PDPN: variants seen among roughly 807,000 people sequenced by gnomAD.
PDPN encodes PA2.26 antigen.
PDPN carries 12 observed loss-of-function variants against 23.2 expected under a neutral mutation model. That is an observed-to-expected ratio of 0.52 (90% confidence interval 0.33 to 0.84). PDPN has a LOEUF of 0.84. Ranked by LOEUF, PDPN falls within the 40% of genes least tolerant of loss-of-function variation. PDPN has a pLI of 0.02. For synonymous variants in PDPN, 77 were observed against 76.7 expected, an observed-to-expected ratio of 1.00 and a Z score of -0.02; for missense variants, 199 against 212.2, an observed-to-expected ratio of 0.94 and a Z score of 0.39.
chr1:13,585,547 C>G (rs1308293658), intron 1 of PDPN: 2 of 1,351,780 alleles, frequency 1.5e-6, no homozygotes, highest in Non-Finnish European at 2.0e-6. Context: ...CATCTCAGCC[C>G]TGCTAAAGAA....
intron 3 of PDPN, among the ~76,000 whole-genome samples, chr1:13,611,426 C>T (rs1396098380): frequency 6.6e-6 from 1 of 151,836 alleles, no homozygotes; most frequent in African/African-American, 2.4e-5. Flanking sequence ...ACACATAATA[C>T]AACATGGAGG....
Position 13,599,962 on chromosome 1 carries a change from A to G in PDPN, c.68-7211A>G, listed in dbSNP as rs576669160. Among the ~76,000 whole-genome samples the G allele has an allele frequency of 6.6e-5, 10 of 152,308 alleles. No individual in the cohort carries two copies. The South Asian group carries it at 2.1e-3, about 32-fold the overall frequency. On this transcript the variant is annotated intron_variant, in intron 1 of 5. Coordinates refer to ENST00000621990, the MANE Select transcript of PDPN (RefSeq NM_006474.5). Reference sequence around the variant, plus strand: ...TCAAAGCAACACCTCCTTTAGAGTGAGTCATACCTTCCTTCTAACCTGCCA... The same window carrying G: ...TCAAAGCAACACCTCCTTTAGAGTGGGTCATACCTTCCTTCTAACCTGCCA...
chr1:13,584,438 T>C, intron 1 of PDPN: 1 of 809,116 alleles, frequency 1.2e-6, no homozygotes. Flanking sequence ...CAGCAGTGGC[T>C]GGGGTTTCCT....
chr1:13,605,663 A>C (rs894117223), intron 1 of PDPN, among the ~76,000 whole-genome samples: 5 of 152,028 alleles, frequency 3.3e-5, no homozygotes, highest in African/African-American at 4.8e-5. Flanking sequence ...CTGCTCTGTC[A>C]CCAGGTTGGA....
Position 13,599,037 on chromosome 1 carries a change from A to G in PDPN, c.68-8136A>G, listed in dbSNP as rs1433909627. Among the ~76,000 whole-genome samples the G allele has an allele frequency of 5.5e-4, 60 of 108,152 alleles. 1 individual carries two copies. The highest frequency in any genetic ancestry group is 1.9e-3 in the African/African-American group (56 of 29,084). The allele number at this position is 108,152 out of a possible 152,430, so 71.0% of individuals were successfully genotyped here. A position where few individuals can be genotyped will look rare whatever the true frequency, so the allele number is the denominator to read the frequency against. ...TTTTTTTTTTTTTTTTTGGAGATGG[A>G]GTCTCGCTCTGTCACTAGCCTGGAG... On this transcript the variant is annotated intron_variant, in intron 1 of 5. Transcript: ENST00000621990.
intron 1 of PDPN, among the ~76,000 whole-genome samples, chr1:13,600,407 A>T (rs1340455602): frequency 6.7e-6 from 1 of 150,128 alleles, no homozygotes; most frequent in African/African-American, 2.5e-5. Context: ...CACTCTTGTC[A>T]CCCAGGCTGG....
chr1:13,603,822 C>T (rs751873961), intron 1 of PDPN, among the ~76,000 whole-genome samples: 4 of 152,096 alleles, frequency 2.6e-5, no homozygotes, highest in Non-Finnish European at 4.4e-5. Context: ...CTCCTGACCT[C>T]GTGATCCACC....
At chr1:13,613,200 T>C (rs544168781) in intron 3 of PDPN, among the ~76,000 whole-genome samples, 2 of 152,268 alleles carry the variant, frequency 1.3e-5, no homozygotes, top group African/African-American at 4.8e-5. Context: ...ACCAAAGAAG[T>C]AGCAGGAAAT....
chr1:13,612,280 C>T (rs758852158), intron 3 of PDPN, among the ~76,000 whole-genome samples: 4 of 152,148 alleles, frequency 2.6e-5, no homozygotes, highest in Admixed American at 6.5e-5. Context: ...CACCCAAATA[C>T]GATGACGTGC....
At chr1:13,594,801 A>G (rs529474407) in intron 1 of PDPN, among the ~76,000 whole-genome samples, 5 of 151,870 alleles carry the variant, frequency 3.3e-5, no homozygotes, top group Admixed American at 6.6e-5. Flanking sequence ...CCTGGCTAAC[A>G]CGGTGAAATC....
intron 5 of PDPN, chr1:13,614,892 T>C (rs1377603231): frequency 2.0e-6 from 1 of 496,544 alleles, no homozygotes; most frequent in Non-Finnish European, 4.0e-6. Context: ...AATAAGAGAG[T>C]CAGAGCCAGA....
chr1:13,584,046 T>A lies in PDPN; in HGVS notation c.13T>A (p.Ser5Thr), dbSNP rs759884770. The change falls in exon 1 of 6, where the codon TCA (serine) becomes ACA (threonine). Residue 5 changes from serine (S) to threonine (T), a missense_variant. Transcript: ENST00000621990. ...CTCAACGGGAACGATGTGGAAGGTGTCAGCTCTGCTCTTCGTTTTGGGAAG... is the reference window on the plus strand; with the variant it reads ...CTCAACGGGAACGATGTGGAAGGTGACAGCTCTGCTCTTCGTTTTGGGAAG... MWKVSALLFVLGSAS... is the reference protein window; with the variant it reads MWKVTALLFVLGSAS... 1.9e-6 allele frequency: 3 copies of A among 1,613,156 alleles called. No homozygotes were observed. The highest frequency in any genetic ancestry group is 2.5e-6 in the Non-Finnish European group (3 of 1,180,010).
At chr1:13,613,871 T>G in intron 4 of PDPN, 146 bp downstream of exon 4, 1 of 11,988 alleles carries the variant, frequency 8.3e-5, no homozygotes. Context: ...GATTTCAAGC[T>G]TTTTTTTTTT....
At chr1:13,586,276 T>G (rs1057425821) in intron 1 of PDPN, among the ~76,000 whole-genome samples, 1 of 152,306 alleles carries the variant, frequency 6.6e-6, no homozygotes, top group Non-Finnish European at 1.5e-5. Context: ...GGCCCTGAAA[T>G]CCTCATGAGT....
chr1:13,596,198 CAAAAAAAAA>C (rs74323863), intron 1 of PDPN, among the ~76,000 whole-genome samples: 14 of 68,056 alleles, frequency 2.1e-4, no homozygotes, highest in Non-Finnish European at 3.3e-5. Flanking sequence ...GACTCCGTCT[CAAAAAAAAA>C]AAAAAAAAAA....
chr1:13,590,768 T>C (rs1236906407), intron 1 of PDPN, among the ~76,000 whole-genome samples: 2 of 145,134 alleles, frequency 1.4e-5, no homozygotes, highest in South Asian at 4.4e-4. Flanking sequence ...AAATAGAGAA[T>C]GGGAGTGGCC....
At chr1:13,586,409 G>T (rs770824855) in intron 1 of PDPN, among the ~76,000 whole-genome samples, 1 of 152,114 alleles carries the variant, frequency 6.6e-6, no homozygotes, top group Non-Finnish European at 1.5e-5. Flanking sequence ...ATATAGAAAA[G>T]CACAATTTAA....
At chr1:13,588,997 T>TTG (rs1640262983) in intron 1 of PDPN, among the ~76,000 whole-genome samples, 1 of 148,066 alleles carries the variant, frequency 6.8e-6, no homozygotes, top group Admixed American at 6.6e-5. Context: ...ATTCAATAAA[T>TTG]ATTTATTGAA....
chr1:13,595,295 A>G (rs1490672276), intron 1 of PDPN, among the ~76,000 whole-genome samples: 1 of 152,118 alleles, frequency 6.6e-6, no homozygotes, highest in Non-Finnish European at 1.5e-5. Flanking sequence ...TCAATATTCA[A>G]TTTGTCTAGT....
Sources: gnomAD v4.1 joint callset for allele counts (sites outside exome capture counted in the v4.1 genomes callset) on GRCh38, gnomAD v4.1.1 for gene constraint, MANE v1.5 for transcripts, NCBI Gene and HGNC (gene_info 2026-07-23, HGNC 2026-07-21) for gene names.